The following CEP83 variants were observed in gnomAD, a reference collection of about 807,000 sequenced individuals.
CEP83 encodes centrosomal protein of 83 kDa.
Under a neutral mutation model 101.9 loss-of-function variants are expected in CEP83, and 70 were observed. The observed-to-expected ratio is 0.69, with a 90% confidence interval of 0.57 to 0.84. CEP83 has a LOEUF of 0.84. Ranked by LOEUF, CEP83 falls within the 40% of genes least tolerant of loss-of-function variation. The probability of loss-of-function intolerance (pLI) is 0.00; values close to 1 mark genes in which losing one functional copy is unlikely to be tolerated. For missense variants in CEP83, 715 were observed against 787.2 expected, an observed-to-expected ratio of 0.91 and a Z score of 1.10; for synonymous variants, 264 against 267.9, an observed-to-expected ratio of 0.99 and a Z score of 0.14.
chr12:94,381,496 C>T (rs796161851), intron 6 of CEP83, among the ~76,000 whole-genome samples: 9 of 152,144 alleles, frequency 5.9e-5, no homozygotes, highest in African/African-American at 1.9e-4. Flanking sequence ...ACAATAGGGA[C>T]TAGGAATAGT....
At chr12:94,350,609 C>T (rs2136760395) in intron 11 of CEP83, among the ~76,000 whole-genome samples, 1 of 150,552 alleles carries the variant, frequency 6.6e-6, no homozygotes, top group Middle Eastern at 3.4e-3. Flanking sequence ...AGGGCAATAA[C>T]AACAACAACA....
intron 11 of CEP83, among the ~76,000 whole-genome samples, chr12:94,364,714 AAATATACCCAAGTATAT>A (rs1298381074): frequency 5.9e-5 from 9 of 152,228 alleles, no homozygotes; most frequent in Admixed American, 5.9e-4. Flanking sequence ...GAAAGTCCAG[AAATATACCCAAGTATAT>A]ATGGAAATTT....
At chr12:94,454,665 A>C (rs2067515856) in intron 1 of CEP83, among the ~76,000 whole-genome samples, 1 of 152,206 alleles carries the variant, frequency 6.6e-6, no homozygotes, top group African/African-American at 2.4e-5. Flanking sequence ...TCTTCGCAAT[A>C]AATCTTGCTG....
At chr12:94,367,993 A>G in intron 10 of CEP83, 50 bp from the exon 11 acceptor site, 4 of 1,604,900 alleles carry the variant, frequency 2.5e-6, no homozygotes, top group Non-Finnish European at 3.4e-6. Context: ...TAAAGATGAT[A>G]TGACAGCAAA....
At chr12:94,393,931 C>G (rs929229759) in intron 6 of CEP83, among the ~76,000 whole-genome samples, 11 of 152,102 alleles carry the variant, frequency 7.2e-5, no homozygotes, top group African/African-American at 2.7e-4. Flanking sequence ...TGTGAAGGAC[C>G]TCTTCAAGGA....
At chr12:94,282,316 G>A in the CEP83 span, 7 of 1,613,528 alleles carry the variant, frequency 4.3e-6, no homozygotes, top group East Asian at 4.5e-5. Flanking sequence ...ATGGGCACAC[G>A]ACAGAAAGAA....
intron 4 of CEP83, among the ~76,000 whole-genome samples, chr12:94,406,795 C>T (rs183641306): frequency 2.0e-5 from 3 of 151,848 alleles, no homozygotes; most frequent in South Asian, 2.1e-4. Context: ...GGCGTGGTGG[C>T]GGGCACCTAT....
chr12:94,303,876 T>G (rs766923908), downstream of CEP83: 1 of 1,609,332 alleles, frequency 6.2e-7, no homozygotes, highest in East Asian at 2.2e-5. Flanking sequence ...AATGGAAGAA[T>G]TTTTAACTCA....
At chr12:94,340,684 G>A (rs573546798) in intron 11 of CEP83, among the ~76,000 whole-genome samples, 13 of 152,202 alleles carry the variant, frequency 8.5e-5, no homozygotes, top group Non-Finnish European at 1.5e-4. Context: ...TGTTCCACCC[G>A]CCTCGGCCTC....
At chr12:94,443,527 C>T (rs1426667971) in intron 1 of CEP83, among the ~76,000 whole-genome samples, 4 of 152,050 alleles carry the variant, frequency 2.6e-5, no homozygotes, top group African/African-American at 9.7e-5. Flanking sequence ...GAACCTCACC[C>T]TGTCACCCAG....
intron 1 of CEP83, 117 bp downstream of exon 1, chr12:94,459,440 G>A (rs2067976773): frequency 2.0e-5 from 3 of 152,182 alleles, no homozygotes; most frequent in Non-Finnish European, 4.4e-5. Context: ...TCTAGCACGA[G>A]CTTCCACTAC....
intron 11 of CEP83, among the ~76,000 whole-genome samples, chr12:94,359,843 C>T (rs767011240): frequency 2.0e-5 from 3 of 152,070 alleles, no homozygotes. Context: ...AGCACTATGG[C>T]CAGTATCCCT....
chr12:94,403,142 T>C (rs771871981), intron 5 of CEP83, 28 bp downstream of exon 5: 6 of 1,109,408 alleles, frequency 5.4e-6, no homozygotes, highest in Non-Finnish European at 8.3e-6. Flanking sequence ...TGAGGATAAA[T>C]GCATAGTAAA....
At chr12:94,440,055 T>C (rs1488303743) in intron 1 of CEP83, among the ~76,000 whole-genome samples, 1 of 152,160 alleles carries the variant, frequency 6.6e-6, no homozygotes, top group African/African-American at 2.4e-5. Context: ...AAAAGCCCTC[T>C]ATGACAAACC....
intron 1 of CEP83, among the ~76,000 whole-genome samples, chr12:94,449,927 G>A (rs1485290116): frequency 5.3e-5 from 8 of 151,580 alleles, no homozygotes; most frequent in African/African-American, 1.7e-4. Flanking sequence ...ATCATCAGAT[G>A]CAGGAAAAAA....
chr12:94,411,906 C>T, intron 3 of CEP83, 59 bp from the exon 4 acceptor site: 3 of 1,375,750 alleles, frequency 2.2e-6, no homozygotes, highest in Non-Finnish European at 3.1e-6. Flanking sequence ...AATTGCATTA[C>T]TTTATGTAAA....
chr12:94,396,280 CTTTTTTTTTTTT>C (rs776434390), intron 6 of CEP83, among the ~76,000 whole-genome samples: 5 of 90,948 alleles, frequency 5.5e-5, no homozygotes, highest in South Asian at 3.4e-4. Context: ...AAAAGCATGA[CTTTTTTTTTTTT>C]TTTTTTTTTT....
chr12:94,288,890 TGTGTA>T, the CEP83 span, among the ~76,000 whole-genome samples: 1 of 152,254 alleles, frequency 6.6e-6, no homozygotes, highest in Non-Finnish European at 1.5e-5. Context: ...TCAGAGTTTC[TGTGTA>T]GTGATTTGAT....
chr12:94,317,735 C>G (rs1395408872), intron 14 of CEP83, among the ~76,000 whole-genome samples: 1 of 151,930 alleles, frequency 6.6e-6, no homozygotes. Flanking sequence ...AGCTGTGAGG[C>G]CTTAATTCTG....
Sources: gnomAD v4.1 joint callset for allele counts (sites outside exome capture counted in the v4.1 genomes callset) on GRCh38, gnomAD v4.1.1 for gene constraint, MANE v1.5 for transcripts, NCBI Gene and HGNC (gene_info 2026-07-23, HGNC 2026-07-21) for gene names.